Variants in HS3ST3A1 observed in about 807,000 individuals in gnomAD.
HS3ST3A1 encodes heparan sulfate-glucosamine 3-sulfotransferase 3A1, also known as heparan sulfate glucosamine 3-O-sulfotransferase 3A1.
A neutral mutation model predicts 25.7 loss-of-function variants in HS3ST3A1; 19 were observed. That is an observed-to-expected ratio of 0.74 (90% confidence interval 0.52 to 1.08). The LOEUF (loss-of-function observed/expected upper bound fraction) is 1.08, where lower values mean the gene tolerates loss of function less well. Ranked by LOEUF, HS3ST3A1 falls within the 50% of genes least tolerant of loss-of-function variation. The probability of loss-of-function intolerance (pLI) is 0.00; values close to 1 mark genes in which losing one functional copy is unlikely to be tolerated. For synonymous variants in HS3ST3A1, 226 were observed against 278.6 expected (o/e 0.81, Z 1.88); for missense variants, 459 against 594.3 (o/e 0.77, Z 2.37).
At chr17:13,579,956 A>C in intron 1 of HS3ST3A1, among the ~76,000 whole-genome samples, 1 of 148,500 alleles carries the variant, frequency 6.7e-6, no homozygotes, top group Non-Finnish European at 1.5e-5. Context: ...AAAAAAAAAA[A>C]AAAAAAAAAA....
At chr17:13,562,995 A>AT (rs530908761) in intron 1 of HS3ST3A1, among the ~76,000 whole-genome samples, 28 of 151,960 alleles carry the variant, frequency 1.8e-4, no homozygotes, top group Middle Eastern at 3.4e-3. Context: ...GGGTAAAGAA[A>AT]TTGAGTCAGA....
chr17:13,513,741 CTTA>C (rs1042852161), intron 1 of HS3ST3A1, among the ~76,000 whole-genome samples: 3 of 152,158 alleles, frequency 2.0e-5, no homozygotes, highest in Admixed American at 6.5e-5. Flanking sequence ...TAGTGAATCC[CTTA>C]TTATTGGATA....
chr17:13,535,841 GATGA>G (rs1236985688), intron 1 of HS3ST3A1, among the ~76,000 whole-genome samples: 1 of 152,118 alleles, frequency 6.6e-6, no homozygotes, highest in Non-Finnish European at 1.5e-5. Flanking sequence ...TTCCAATGCT[GATGA>G]ATGGTTTCTA....
At chr17:13,599,595 A>G (rs760622601) in intron 1 of HS3ST3A1, among the ~76,000 whole-genome samples, 24 of 152,236 alleles carry the variant, frequency 1.6e-4, no homozygotes, top group Admixed American at 2.6e-4. Context: ...GAAAGAAAAA[A>G]AAAGCCAATA....
chr17:13,559,089 A>G (rs770235165), intron 1 of HS3ST3A1, among the ~76,000 whole-genome samples: 4 of 152,256 alleles, frequency 2.6e-5, no homozygotes, highest in Non-Finnish European at 4.4e-5. Context: ...AAATTGTAAC[A>G]ATTATGTAAA....
At chr17:13,508,661 G>T (rs373004172) in intron 1 of HS3ST3A1, among the ~76,000 whole-genome samples, 1 of 152,208 alleles carries the variant, frequency 6.6e-6, no homozygotes, top group South Asian at 2.1e-4. Context: ...AACACGGTAG[G>T]CATTGTCCCA....
rs35525593 is a variant in HS3ST3A1, at chr17:13,506,026, C to CAA, written c.600-9210_600-9209dup. 2.9e-3 allele frequency among the ~76,000 whole-genome samples: 194 copies of CAA among 66,776 alleles called. 3 individuals carry two copies. The highest frequency in any genetic ancestry group is 8.8e-3 in the East Asian group (21 of 2,380). 43.8% of individuals were successfully genotyped at this position (66,776 alleles called of 152,430 possible). On this transcript the variant is annotated intron_variant, in intron 1 of 1. Coordinates refer to ENST00000284110, the MANE Select transcript of HS3ST3A1 (RefSeq NM_006042.3). ...TGGGCAACAGAGCAAGACTTCATCT[C>CAA]AAAAAAAAAAAAAAAAAAAATTGGA...
intron 1 of HS3ST3A1, among the ~76,000 whole-genome samples, chr17:13,551,326 C>A (rs1473365516): frequency 6.7e-6 from 1 of 149,716 alleles, no homozygotes; most frequent in East Asian, 2.0e-4. Context: ...TCCAGCCTGG[C>A]GACACGGAGA....
chr17:13,496,057 G>T lies in HS3ST3A1; in HGVS notation c.*140C>A. On this transcript the variant is annotated 3_prime_UTR_variant, in exon 2 of 2. Transcript: ENST00000284110. ...TTGGTTATACATTAAGATGGGGCGG[G>T]AGTGAGAACAATCTCTTAACATTCA... is the stretch of plus-strand genomic sequence containing the variant. The T allele has an allele frequency of 1.9e-6, 2 of 1,046,056 alleles. No homozygotes were observed. Among genetic ancestry groups the T allele is most frequent in the Non-Finnish European group, 2.7e-6 (2 of 750,826 alleles). 64.8% of individuals were successfully genotyped at this position (1,046,056 alleles called of 1,614,324 possible).
chr17:13,500,749 G>A (rs1905447693), intron 1 of HS3ST3A1, among the ~76,000 whole-genome samples: 1 of 152,140 alleles, frequency 6.6e-6, no homozygotes, highest in African/African-American at 2.4e-5. Flanking sequence ...TCCTGAGGGA[G>A]GCAAAGATAA....
intron 1 of HS3ST3A1, among the ~76,000 whole-genome samples, chr17:13,560,701 A>C (rs1379567788): frequency 6.6e-6 from 1 of 152,208 alleles, no homozygotes; most frequent in Non-Finnish European, 1.5e-5. Flanking sequence ...TAAATAATTA[A>C]CTATTGCAAT....
At chr17:13,505,745 G>A (rs1314275176) in intron 1 of HS3ST3A1, among the ~76,000 whole-genome samples, 1 of 151,956 alleles carries the variant, frequency 6.6e-6, no homozygotes, top group Non-Finnish European at 1.5e-5. Context: ...GAAAATTTGG[G>A]CTGGGCATGG....
In HS3ST3A1 at chr17:13,532,822, C is replaced by T. The variant is rs893668587; in HGVS notation, c.600-36004G>A. Among the ~76,000 whole-genome samples, 3 of 147,068 alleles carry T rather than the reference C, an allele frequency of 2.0e-5. No individual in the cohort carries two copies. The East Asian group carries it at 6.3e-4, about 31-fold the overall frequency. ...TCATCTTTGTTGAGTATTTCCAAGA[C>T]ATATTTGCAACTAGTAAACAATATG... On this transcript the variant is annotated intron_variant, in intron 1 of 1. Transcript: ENST00000284110.
chr17:13,579,689 A>G (rs1374138047), intron 1 of HS3ST3A1, among the ~76,000 whole-genome samples: 1 of 134,436 alleles, frequency 7.4e-6, no homozygotes, highest in East Asian at 2.2e-4. Flanking sequence ...TGACAGAGCC[A>G]GACTCCATCT....
intron 1 of HS3ST3A1, among the ~76,000 whole-genome samples, chr17:13,532,295 T>C (rs970462615): frequency 5.3e-5 from 8 of 152,134 alleles, no homozygotes; most frequent in African/African-American, 1.7e-4. Flanking sequence ...GATCTGATTG[T>C]CATCAGGTAA....
intron 1 of HS3ST3A1, among the ~76,000 whole-genome samples, chr17:13,574,761 A>ACAG (rs759280619): frequency 3.0e-4 from 31 of 103,836 alleles, no homozygotes; most frequent in African/African-American, 9.0e-4. Context: ...CACACACACA[A>ACAG]AAAACACACA....
chr17:13,591,819 C>T (rs903073976), intron 1 of HS3ST3A1, among the ~76,000 whole-genome samples: 2 of 151,960 alleles, frequency 1.3e-5, no homozygotes, highest in African/African-American at 2.4e-5. Context: ...ACGACCACAT[C>T]CGGCTAATTT....
At chr17:13,536,299 C>CAA (rs11422560) in intron 1 of HS3ST3A1, among the ~76,000 whole-genome samples, 90 of 142,440 alleles carry the variant, frequency 6.3e-4, no homozygotes, top group African/African-American at 2.1e-3. Context: ...TGTTTGGAGA[C>CAA]AAAAAAAAAA....
chr17:13,543,804 A>G (rs545279629), intron 1 of HS3ST3A1, among the ~76,000 whole-genome samples: 2 of 152,318 alleles, frequency 1.3e-5, no homozygotes, highest in Admixed American at 6.5e-5. Flanking sequence ...GTAAGATCCC[A>G]TCTCATAAAT....
Sources: gnomAD v4.1 joint callset for allele counts (sites outside exome capture counted in the v4.1 genomes callset) on GRCh38, gnomAD v4.1.1 for gene constraint, MANE v1.5 for transcripts, NCBI Gene and HGNC (gene_info 2026-07-23, HGNC 2026-07-21) for gene names.